Variants in ITCH observed in about 807,000 individuals in gnomAD.
ITCH encodes the protein E3 ubiquitin-protein ligase Itchy homolog.
In ITCH, 28 loss-of-function variants were observed where a neutral mutation model predicts 126.8. That is an observed-to-expected ratio of 0.22 (90% CI 0.16 to 0.30). The LOEUF (loss-of-function observed/expected upper bound fraction) is 0.30, where lower values mean the gene tolerates loss of function less well. ITCH is among the 10% of genes least tolerant of loss of function. The pLI is 1.00. For missense variants in ITCH, 631 were observed against 1,032.4 expected, an observed-to-expected ratio of 0.61 and a Z score of 5.33; for synonymous variants, 342 against 340.0, an observed-to-expected ratio of 1.01 and a Z score of -0.06.
At chr20:34,434,981 A>G (rs1239449325) in intron 7 of ITCH, among the ~76,000 whole-genome samples, 4 of 152,154 alleles carry the variant, frequency 2.6e-5, no homozygotes, top group Non-Finnish European at 4.4e-5. Flanking sequence ...CTAGGTCTGT[A>G]TGATTGTATA....
chr20:34,483,342 T>C (rs1490882241), intron 20 of ITCH, among the ~76,000 whole-genome samples: 1 of 152,244 alleles, frequency 6.6e-6, no homozygotes, highest in Non-Finnish European at 1.5e-5. Context: ...CAAACTTTTA[T>C]GCTCTGCTTC....
At chr20:34,379,063 C>T (rs993519869) in intron 2 of ITCH, among the ~76,000 whole-genome samples, 1 of 152,116 alleles carries the variant, frequency 6.6e-6, no homozygotes, top group Non-Finnish European at 1.5e-5. Context: ...TTGAAATGTG[C>T]AGAACCCTGC....
intron 5 of ITCH, among the ~76,000 whole-genome samples, chr20:34,413,040 ACT>A (rs1430073298): frequency 6.6e-6 from 1 of 151,834 alleles, no homozygotes; most frequent in Non-Finnish European, 1.5e-5. Flanking sequence ...ACAAGGACTC[ACT>A]CTGTTTTCCA....
At chr20:34,499,832 A>G (rs1239462954) in intron 23 of ITCH, among the ~76,000 whole-genome samples, 2 of 152,098 alleles carry the variant, frequency 1.3e-5, no homozygotes, top group African/African-American at 4.8e-5. Flanking sequence ...TTGCTATAAC[A>G]TTACCTTTTA....
At position 34,369,471 on chromosome 20, in the gene ITCH, G is replaced by A. The variant is rs1476792150; in HGVS notation, c.-22+1G>A. The A allele has an allele frequency of 5.0e-6, 2 of 398,922 alleles. No homozygotes were observed. Among genetic ancestry groups the A allele is most frequent in the African/African-American group, 2.1e-5 (1 of 48,614 alleles). 24.7% of individuals were successfully genotyped at this position (398,922 alleles called of 1,614,324 possible). A position where few individuals can be genotyped will look rare whatever the true frequency, so the allele number is the denominator to read the frequency against. On this transcript the variant is annotated splice_donor_variant, in intron 2 of 24. Transcript: ENST00000374864. LOFTEE classifies it low-confidence loss of function (5UTR_SPLICE). The stretch of plus-strand genomic sequence containing the variant: ...GTGACTCAAACTGTGAGAACTTCAG[G>A]TATGGTGTCATCCTGTGAGAGAAAT...
At position 34,480,701 on chromosome 20, in the gene ITCH, C is replaced by A. The variant is rs754843646; in HGVS notation, c.1921C>A (p.Pro641Thr). 8.7e-6 allele frequency: 14 copies of A among 1,609,760 alleles called. No homozygotes were observed. Among genetic ancestry groups the A allele is most frequent in the Non-Finnish European group, 1.2e-5 (14 of 1,176,572 alleles). Residue 641 changes from proline to threonine, a missense_variant, in exon 19 of 25, where the codon CCA becomes ACA. Physicochemically the swap from Pro to Thr is conservative, Grantham distance 38. Around this residue, in one of 4 missense-constraint regions of ITCH, gnomAD observed 390 missense variants for 731.6 expected, o/e 0.53. Coordinates refer to ENST00000374864, the MANE Select transcript of ITCH (RefSeq NM_031483.7). ...ACTCAAGGATTTAGAATCTATTGATCCAGAATTTTACAATTCTCTCATCTG... is the reference window on the plus strand; with the variant it reads ...ACTCAAGGATTTAGAATCTATTGATACAGAATTTTACAATTCTCTCATCTG... ...VGLKDLESID[P>T]EFYNSLIWVK...
chr20:34,363,991 C>T (rs959331729), intron 1 of ITCH, among the ~76,000 whole-genome samples: 7 of 152,168 alleles, frequency 4.6e-5, no homozygotes, highest in African/African-American at 1.4e-4. Flanking sequence ...ACTGCCCTTC[C>T]TCCGGAGAGT....
rs144183337 is a variant in ITCH at position 34,412,962 on chromosome 20, C to A, written c.337+323C>A. Among the ~76,000 whole-genome samples, 421 of 150,504 alleles carry A rather than the reference C, an allele frequency of 2.8e-3. 6 individuals are homozygous for A. The highest frequency in any genetic ancestry group is 1.0e-3 in the Non-Finnish European group (69 of 67,718). ...AAAAATAAAAATCCCACTTCAGAGA[C>A]AAATCAAATGAATATTTTTACAGAT... On this transcript the variant is annotated intron_variant, in intron 5 of 24. Coordinates refer to ENST00000374864, the MANE Select transcript of ITCH (RefSeq NM_031483.7).
chr20:34,454,817 G>GT (rs200486269), intron 12 of ITCH, among the ~76,000 whole-genome samples: 1,417 of 109,320 alleles, frequency 0.013, 107 homozygotes, highest in East Asian at 0.019. Flanking sequence ...TTCTTTTCCT[G>GT]TTTTTTTTTT....
At chr20:34,417,027 A>C in intron 6 of ITCH, 1 of 525,216 alleles carries the variant, frequency 1.9e-6, no homozygotes, top group African/African-American at 2.0e-5. Context: ...CTCCTGCCTC[A>C]GCCTCCAGAG....
chr20:34,456,843 A>G (rs1194326027), intron 12 of ITCH, among the ~76,000 whole-genome samples: 1 of 151,608 alleles, frequency 6.6e-6, no homozygotes, highest in Non-Finnish European at 1.5e-5. Flanking sequence ...TGGCCTCCCA[A>G]AGTGCTGGGA....
chr20:34,502,121 CAG>C (rs1274907736), intron 23 of ITCH, among the ~76,000 whole-genome samples: 1 of 152,188 alleles, frequency 6.6e-6, no homozygotes, highest in Non-Finnish European at 1.5e-5. Flanking sequence ...GGGACAGTGT[CAG>C]AGTTTTTAAT....
chr20:34,471,673 GGTGTGTGTGTGTGTGTGTGT>G (rs10606931), intron 16 of ITCH, among the ~76,000 whole-genome samples, 158 bp downstream of exon 16: 5 of 69,322 alleles, frequency 7.2e-5, no homozygotes, highest in Admixed American at 2.3e-4. Context: ...GGGCTTAAGG[GGTGTGTGTGTGTGTGTGTGT>G]GTGTGTGTGT....
chr20:34,497,195 C>G (rs2146537544), intron 23 of ITCH, among the ~76,000 whole-genome samples: 1 of 152,148 alleles, frequency 6.6e-6, no homozygotes, highest in African/African-American at 2.4e-5. Flanking sequence ...TAGGGTTTCT[C>G]TATGTTGGTC....
intron 3 of ITCH, among the ~76,000 whole-genome samples, chr20:34,399,753 A>T (rs2146101037): frequency 6.6e-6 from 1 of 152,116 alleles, no homozygotes; most frequent in Non-Finnish European, 1.5e-5. Context: ...AGGCAGGAGA[A>T]TCACTTGAAC....
intron 11 of ITCH, 36 bp downstream of exon 11, chr20:34,445,497 A>G (rs1984343019): frequency 6.3e-7 from 1 of 1,598,006 alleles, no homozygotes; most frequent in Non-Finnish European, 8.6e-7. Flanking sequence ...TAATAAGAGT[A>G]TTTTGTTTCT....
Position 34,481,084 on chromosome 20 carries a change from A to G in ITCH, c.1971A>G (p.Glu657=). 6.2e-7 allele frequency: 1 copy of G among 1,613,478 alleles called. No individual in the cohort carries two copies. The highest frequency in any genetic ancestry group is 8.5e-7 in the Non-Finnish European group (1 of 1,179,578). ...LIWVKENNIE[E]CDLEMYFSVD... is the part of the protein sequence containing the mutation. ...TGTGCAGGGAAAACAATATTGAGGA[A>G]TGTGATTTGGAAATGTACTTCTCCG... The change falls in exon 20 of 25, where the codon GAA becomes GAG. Residue 657 remains glutamate, a synonymous_variant. Transcript: ENST00000374864.
chr20:34,496,388 C>G (rs1319853599), intron 23 of ITCH, among the ~76,000 whole-genome samples: 1 of 152,202 alleles, frequency 6.6e-6, no homozygotes, highest in Admixed American at 6.5e-5. Context: ...TTCTCCCATT[C>G]TGCAGATTGT....
chr20:34,447,910 A>C (rs1156628199), intron 11 of ITCH, among the ~76,000 whole-genome samples: 1 of 152,246 alleles, frequency 6.6e-6, no homozygotes, highest in African/African-American at 2.4e-5. Context: ...TAAAGAAACA[A>C]GAAGAGATAG....
Sources: gnomAD v4.1 joint callset for allele counts (sites outside exome capture counted in the v4.1 genomes callset) on GRCh38, gnomAD v4.1.1 for gene constraint, gnomAD v4.1.1 regional missense constraint, MANE v1.5 for transcripts, NCBI Gene and HGNC (gene_info 2026-07-23, HGNC 2026-07-21) for gene names.